The following THSD7B variants were observed in gnomAD, a reference collection of about 807,000 sequenced individuals.
The protein encoded by THSD7B is thrombospondin type-1 domain-containing protein 7B.
A neutral mutation model predicts 213.6 loss-of-function variants in THSD7B; 138 were observed. The ratio of observed to expected loss-of-function variants is 0.65; its 90% CI spans 0.56 to 0.74. THSD7B has a LOEUF of 0.74. THSD7B is among the 30% of genes least tolerant of loss of function. The pLI, the probability that THSD7B is intolerant of heterozygous loss-of-function variation, is 0.00. For missense variants in THSD7B, 1,931 were observed against 1,991.5 expected (o/e 0.97, Z 0.58); for synonymous variants, 742 against 687.0 (o/e 1.08, Z -1.25).
chr2:137,516,055 CA>C (rs1680061645), intron 15 of THSD7B, among the ~76,000 whole-genome samples: 1 of 152,182 alleles, frequency 6.6e-6, no homozygotes, highest in South Asian at 2.1e-4. Context: ...AATTGGATCT[CA>C]AGTTGGCTAG....
intron 12 of THSD7B, among the ~76,000 whole-genome samples, chr2:137,338,539 A>G (rs1349828851): frequency 1.3e-5 from 2 of 152,120 alleles, no homozygotes; most frequent in Admixed American, 1.3e-4. Context: ...AATGCTACTT[A>G]TAAGTCTACA....
intron 1 of THSD7B, among the ~76,000 whole-genome samples, chr2:136,768,088 C>T (rs1289168046): frequency 1.3e-5 from 2 of 152,126 alleles, no homozygotes; most frequent in African/African-American, 4.8e-5. Context: ...TTTCTGTTCT[C>T]TGCTGAGTGT....
intron 12 of THSD7B, among the ~76,000 whole-genome samples, chr2:137,395,740 A>C (rs1362251349): frequency 6.6e-6 from 1 of 151,962 alleles, no homozygotes; most frequent in Non-Finnish European, 1.5e-5. Flanking sequence ...AAGGAATGGT[A>C]CCAGTTCCTC....
intron 7 of THSD7B, among the ~76,000 whole-genome samples, chr2:137,197,235 T>C (rs1680782276): frequency 6.6e-6 from 1 of 152,152 alleles, no homozygotes; most frequent in Non-Finnish European, 1.5e-5. Context: ...GGCGACAGCA[T>C]TATTTCCAGT....
At chr2:137,330,406 G>C (rs901715614) in intron 12 of THSD7B, among the ~76,000 whole-genome samples, 2 of 152,192 alleles carry the variant, frequency 1.3e-5, no homozygotes, top group African/African-American at 4.8e-5. Flanking sequence ...TCCGTAATTG[G>C]TGGGTTCTTG....
chr2:137,144,122 G>C (rs1679644853), intron 5 of THSD7B, among the ~76,000 whole-genome samples: 1 of 152,010 alleles, frequency 6.6e-6, no homozygotes, highest in African/African-American at 2.4e-5. Flanking sequence ...TCCTCTGGGT[G>C]GAAGTAATAG....
intron 7 of THSD7B, among the ~76,000 whole-genome samples, chr2:137,220,736 A>G (rs1019833980): frequency 2.0e-5 from 3 of 152,202 alleles, no homozygotes; most frequent in Non-Finnish European, 2.9e-5. Flanking sequence ...CTTGCATAGC[A>G]GCTTTATGCA....
chr2:137,539,435 T>A (rs983829731), intron 15 of THSD7B, among the ~76,000 whole-genome samples: 1 of 151,634 alleles, frequency 6.6e-6, no homozygotes, highest in Non-Finnish European at 1.5e-5. Flanking sequence ...GATTTTAAGA[T>A]CCAAGAATGT....
At chr2:137,552,754 T>A (rs958367449) in intron 15 of THSD7B, among the ~76,000 whole-genome samples, 1 of 152,342 alleles carries the variant, frequency 6.6e-6, no homozygotes, top group East Asian at 1.9e-4. Flanking sequence ...GTAAGTGTGA[T>A]CCTTTCCAGT....
chr2:137,400,563 G>A (rs1686331972), intron 12 of THSD7B, among the ~76,000 whole-genome samples: 2 of 152,150 alleles, frequency 1.3e-5, no homozygotes, highest in Non-Finnish European at 1.5e-5. Context: ...GGATGAGCAG[G>A]CTGATGACCT....
In THSD7B at chr2:137,086,374, A is replaced by AG. The variant is rs1687842220; in HGVS notation, c.951-8499_951-8498insG. 2.6e-5 allele frequency among the ~76,000 whole-genome samples: 4 copies of AG among 152,128 alleles called. No homozygotes were observed. In the South Asian group the frequency reaches 8.3e-4, roughly 32 times the overall value. On this transcript the variant is annotated intron_variant, in intron 3 of 27. Transcript: ENST00000409968. Reference sequence around the variant, plus strand: ...AAAAAGTCTAAAAGTTAAAAAAAAAAATCTTGTAGCTATAGGGGCAAAACC... The same window carrying AG: ...AAAAAGTCTAAAAGTTAAAAAAAAAAGATCTTGTAGCTATAGGGGCAAAACC...
intron 15 of THSD7B, among the ~76,000 whole-genome samples, chr2:137,531,937 G>T (rs1018133135): frequency 3.9e-5 from 6 of 151,962 alleles, no homozygotes; most frequent in Non-Finnish European, 1.5e-5. Flanking sequence ...ATGAGCACAA[G>T]TCTGGGGCTC....
At chr2:137,352,084 T>A (rs970629474) in intron 12 of THSD7B, among the ~76,000 whole-genome samples, 69 of 151,756 alleles carry the variant, frequency 4.5e-4, no homozygotes, top group African/African-American at 1.6e-3. Context: ...TGCTAAATAG[T>A]TGCATTATTT....
intron 14 of THSD7B, among the ~76,000 whole-genome samples, chr2:137,438,358 C>G (rs1687334696): frequency 6.6e-6 from 1 of 152,160 alleles, no homozygotes; most frequent in Non-Finnish European, 1.5e-5. Context: ...GTTTAATGCT[C>G]TCATTTGATT....
chr2:137,484,088 T>C (rs1304077469), intron 15 of THSD7B, among the ~76,000 whole-genome samples: 1 of 151,838 alleles, frequency 6.6e-6, no homozygotes. Flanking sequence ...GTTACATATG[T>C]ATACATGTGC....
chr2:137,109,665 A>G (rs534148063), intron 4 of THSD7B, among the ~76,000 whole-genome samples: 1 of 152,188 alleles, frequency 6.6e-6, no homozygotes, highest in Non-Finnish European at 1.5e-5. Context: ...CTCCTGTGAG[A>G]ATCTAATGCT....
At position 137,074,103 on chromosome 2, in the gene THSD7B, G is replaced by A. The variant is rs371667325; in HGVS notation, c.950+16873G>A. Among the ~76,000 whole-genome samples the A allele has an allele frequency of 2.6e-4, 39 of 150,812 alleles. No individual in the cohort carries two copies. The South Asian group carries it at 2.7e-3, about 10-fold the overall frequency. ...AGTTTTGTAAATGTCTATTAGGTCC[G>A]CTTGGTACAGAGCTGAGTTCAATTC... On this transcript the variant is annotated intron_variant, in intron 3 of 27. Coordinates refer to ENST00000409968, the MANE Select transcript of THSD7B (RefSeq NM_001316349.2).
chr2:137,409,592 G>T (rs1416092523), intron 13 of THSD7B, among the ~76,000 whole-genome samples: 1 of 152,206 alleles, frequency 6.6e-6, no homozygotes, highest in Non-Finnish European at 1.5e-5. Flanking sequence ...GAAGAAATAT[G>T]TATGATAATT....
chr2:136,985,641 G>A lies in THSD7B; in HGVS notation c.140-70779G>A, dbSNP rs72983549. On this transcript the variant is annotated intron_variant, in intron 2 of 27. Coordinates refer to ENST00000409968, the MANE Select transcript of THSD7B (RefSeq NM_001316349.2). ...CCCTCATAGAGAACTTCTACTACTAGGGCAGTACAGAAGGAAAGTGTGAGG... is the reference window on the plus strand; with the variant it reads ...CCCTCATAGAGAACTTCTACTACTAAGGCAGTACAGAAGGAAAGTGTGAGG... 8.7e-3 allele frequency among the ~76,000 whole-genome samples: 1,331 copies of A among 152,336 alleles called. 28 individuals are homozygous for A. The highest frequency in any genetic ancestry group is 0.031 in the African/African-American group (1,289 of 41,578).
Sources: gnomAD v4.1 joint callset for allele counts (sites outside exome capture counted in the v4.1 genomes callset) on GRCh38, gnomAD v4.1.1 for gene constraint, MANE v1.5 for transcripts, NCBI Gene and HGNC (gene_info 2026-07-23, HGNC 2026-07-21) for gene names.